Variants in CAMTA1 observed in about 807,000 individuals in gnomAD.
CAMTA1 encodes calmodulin-binding transcription activator 1.
Under a neutral mutation model 170.9 loss-of-function variants are expected in CAMTA1, and 27 were observed. The observed-to-expected ratio is 0.16, with a 90% CI of 0.12 to 0.22. The LOEUF is 0.22. Ranked by LOEUF, CAMTA1 falls within the 10% of genes least tolerant of loss-of-function variation. The pLI is 1.00. For missense variants in CAMTA1, 1,619 were observed against 2,217.2 expected, an observed-to-expected ratio of 0.73 and a Z score of 5.42; for synonymous variants, 833 against 891.5, an observed-to-expected ratio of 0.93 and a Z score of 1.17.
chr1:6,988,623 G>A (rs1695780193), intron 3 of CAMTA1, among the ~76,000 whole-genome samples: 1 of 151,968 alleles, frequency 6.6e-6, no homozygotes, highest in African/African-American at 2.4e-5. Flanking sequence ...CTGCGCCACG[G>A]CAGTTGGCTT....
chr1:7,560,367 G>A (rs1373560895), intron 6 of CAMTA1, among the ~76,000 whole-genome samples: 2 of 152,236 alleles, frequency 1.3e-5, no homozygotes, highest in Non-Finnish European at 2.9e-5. Context: ...GAGCCCCAGG[G>A]GTGAGAGGCT....
chr1:6,943,440 G>A (rs943548251), intron 3 of CAMTA1, among the ~76,000 whole-genome samples: 3 of 152,080 alleles, frequency 2.0e-5, no homozygotes, highest in Non-Finnish European at 4.4e-5. Flanking sequence ...AATAGGTGGC[G>A]CCCCACACCT....
At chr1:7,432,938 A>G (rs1433054753) in intron 5 of CAMTA1, among the ~76,000 whole-genome samples, 5 of 152,182 alleles carry the variant, frequency 3.3e-5, no homozygotes, top group Non-Finnish European at 7.4e-5. Flanking sequence ...TTCTTCGTGC[A>G]TAGGTTCTGC....
At chr1:7,419,163 T>C (rs191478883) in intron 5 of CAMTA1, among the ~76,000 whole-genome samples, 10 of 151,604 alleles carry the variant, frequency 6.6e-5, no homozygotes, top group Non-Finnish European at 1.0e-4. Context: ...TTTTTATTTA[T>C]GTATTTATTT....
At chr1:7,760,362 G>A (rs1003871737) in intron 22 of CAMTA1, among the ~76,000 whole-genome samples, 10 of 152,290 alleles carry the variant, frequency 6.6e-5, no homozygotes, top group African/African-American at 2.4e-4. Context: ...ACTTTTGGCT[G>A]TTTTATGTAC....
rs1053225365 is a variant in CAMTA1 at position 7,234,473 on chromosome 1, A to G, written c.303-15018A>G. ...CTGTGCGTCATTGTTCTTCCTCCCT[A>G]CCGGACTGCAAGCTGTGCAGAGGCA... On this transcript the variant is annotated intron_variant, in intron 4 of 22. Coordinates refer to ENST00000303635, the MANE Select transcript of CAMTA1 (RefSeq NM_015215.4). This position sits in a 1 kb window ranked among gnomAD's most constrained non-coding sequence, Gnocchi z 5.0. Among the ~76,000 whole-genome samples the G allele has an allele frequency of 2.0e-5, 3 of 151,880 alleles. No individual in the cohort carries two copies. The highest frequency in any genetic ancestry group is 2.9e-5 in the Non-Finnish European group (2 of 67,976).
At chr1:7,584,948 G>A (rs2095296535) in intron 6 of CAMTA1, among the ~76,000 whole-genome samples, 1 of 152,200 alleles carries the variant, frequency 6.6e-6, no homozygotes, top group Admixed American at 6.5e-5. Context: ...AACGTGGCTT[G>A]AGACTTCAGA....
intron 3 of CAMTA1, among the ~76,000 whole-genome samples, chr1:7,009,797 C>A (rs1202857857): frequency 1.3e-5 from 2 of 152,222 alleles, no homozygotes; most frequent in Non-Finnish European, 2.9e-5. Context: ...TGGGTTTGGT[C>A]CTGCTTTGTG....
At chr1:7,069,538 G>C (rs929979928) in intron 3 of CAMTA1, among the ~76,000 whole-genome samples, 3 of 152,194 alleles carry the variant, frequency 2.0e-5, no homozygotes, top group Admixed American at 2.0e-4. Flanking sequence ...CAACGGGACA[G>C]GTCTTTTGTC....
chr1:6,905,175 C>G (rs1678126160), intron 3 of CAMTA1, among the ~76,000 whole-genome samples: 1 of 149,898 alleles, frequency 6.7e-6, no homozygotes, highest in Non-Finnish European at 1.5e-5. Context: ...TCCTGGGTCT[C>G]CTTGCCTTGT....
chr1:7,531,168 G>A (rs1405253567), intron 6 of CAMTA1, among the ~76,000 whole-genome samples: 1 of 148,612 alleles, frequency 6.7e-6, no homozygotes, highest in African/African-American at 2.5e-5. Context: ...ATGGAAGCAT[G>A]GATGGGAGGG....
At position 7,094,785 on chromosome 1, in the gene CAMTA1, G is replaced by A. The variant is rs114237271; in HGVS notation, c.302+3414G>A. 5.9e-3 allele frequency among the ~76,000 whole-genome samples: 892 copies of A among 152,294 alleles called. 12 individuals are homozygous for A. Among genetic ancestry groups the A allele is most frequent in the African/African-American group, 0.02 (828 of 41,550 alleles). ...GCTGAACGTTCAAACAGCCCGTATT[G>A]TACTCTCAGCAACTGGGACCTCCGG... On this transcript the variant is annotated intron_variant, in intron 4 of 22. Transcript: ENST00000303635.
chr1:7,492,035 C>T (rs1472026121), intron 6 of CAMTA1, among the ~76,000 whole-genome samples: 1 of 152,084 alleles, frequency 6.6e-6, no homozygotes, highest in Non-Finnish European at 1.5e-5. Context: ...AGGCTCAAGG[C>T]CACTCCCTGG....
At chr1:7,317,432 G>A (rs978819516) in intron 5 of CAMTA1, among the ~76,000 whole-genome samples, 1 of 152,212 alleles carries the variant, frequency 6.6e-6, no homozygotes, top group African/African-American at 2.4e-5. Context: ...AATGATGATA[G>A]AATCACTGTG....
rs935835298 is a variant in CAMTA1, at chr1:7,585,404, A to G, written c.511-54996A>G. ...TGGCAGTCCTAACAGAGGGAAGAGT[A>G]TGTGCAAAGGCCCTGGGGTGGACAT... On this transcript the variant is annotated intron_variant, in intron 6 of 22. Coordinates refer to ENST00000303635, the MANE Select transcript of CAMTA1 (RefSeq NM_015215.4). The surrounding 1 kb of genome is among the most constrained non-coding windows in gnomAD (Gnocchi z 4.8). Among the ~76,000 whole-genome samples the G allele has an allele frequency of 2.0e-5, 3 of 152,228 alleles. No homozygotes were observed. Among genetic ancestry groups the G allele is most frequent in the African/African-American group, 7.2e-5 (3 of 41,534 alleles).
chr1:7,686,674 G>C (rs2096261252), intron 11 of CAMTA1, among the ~76,000 whole-genome samples: 1 of 152,174 alleles, frequency 6.6e-6, no homozygotes, highest in Admixed American at 6.5e-5. Context: ...CAGCTGCCAC[G>C]TGGAGAATGA....
At chr1:7,363,449 G>C (rs1429270004) in intron 5 of CAMTA1, among the ~76,000 whole-genome samples, 2 of 151,874 alleles carry the variant, frequency 1.3e-5, no homozygotes, top group Non-Finnish European at 2.9e-5. Flanking sequence ...AATGATCTGG[G>C]GGTGACCTTT....
chr1:7,538,588 G>A (rs72865433), intron 6 of CAMTA1, among the ~76,000 whole-genome samples: 1,711 of 152,282 alleles, frequency 0.011, 23 homozygotes, highest in African/African-American at 0.039. Flanking sequence ...ACGCTGAGGC[G>A]GCAGTGAGCC....
intron 4 of CAMTA1, among the ~76,000 whole-genome samples, chr1:7,194,804 G>A (rs1655205375): frequency 1.3e-5 from 2 of 152,210 alleles, no homozygotes; most frequent in African/African-American, 2.4e-5. Context: ...GAGGCTAAGA[G>A]AAATATTGGG....
Sources: allele counts gnomAD v4.1 joint callset (sites outside exome capture counted in the v4.1 genomes callset), GRCh38; gene constraint gnomAD v4.1.1; non-coding constraint Gnocchi (gnomAD v3.1); transcripts MANE v1.5; gene names NCBI Gene and HGNC (gene_info 2026-07-23, HGNC 2026-07-21).